Variants in NXPH1 observed in about 807,000 individuals in gnomAD.
The protein encoded by NXPH1 is neurexophilin-1.
A neutral mutation model predicts 23.7 loss-of-function variants in NXPH1; 5 were observed. The observed-to-expected ratio is 0.21, with a 90% CI of 0.11 to 0.44. The LOEUF (loss-of-function observed/expected upper bound fraction) is 0.44, where lower values mean the gene tolerates loss of function less well. NXPH1 is among the 20% of genes least tolerant of loss of function. NXPH1 has a pLI of 0.99. For synonymous variants in NXPH1, 144 were observed against 122.2 expected, an observed-to-expected ratio of 1.18 and a Z score of -1.18; for missense variants, 324 against 321.6, an observed-to-expected ratio of 1.01 and a Z score of -0.06.
At position 8,752,212 on chromosome 7, in the gene NXPH1, AT is replaced by A; in HGVS notation, c.*444del. 1.2e-5 allele frequency: 2 copies of A among 163,506 alleles called. No homozygotes were observed. The highest frequency in any genetic ancestry group is 1.4e-5 in the Non-Finnish European group (1 of 73,598). 10.1% of individuals were successfully genotyped at this position (163,506 alleles called of 1,614,324 possible). A position where few individuals can be genotyped will look rare whatever the true frequency, so the allele number is the denominator to read the frequency against. ...TAAAGTCTTGAGTACATGCTAATCA[AT>A]AATCTCCACTCATGCATTCCTACTG... On this transcript the variant is annotated 3_prime_UTR_variant, in exon 3 of 3. Coordinates refer to ENST00000405863, the MANE Select transcript of NXPH1 (RefSeq NM_152745.3).
At chr7:8,482,876 G>A (rs775932416) in intron 2 of NXPH1, among the ~76,000 whole-genome samples, 8 of 152,146 alleles carry the variant, frequency 5.3e-5, no homozygotes, top group Non-Finnish European at 8.8e-5. Flanking sequence ...TGTCACTCTA[G>A]CTCTATCACT....
At chr7:8,566,559 C>G (rs1382090023) in intron 2 of NXPH1, among the ~76,000 whole-genome samples, 1 of 151,706 alleles carries the variant, frequency 6.6e-6, no homozygotes, top group Non-Finnish European at 1.5e-5. Context: ...GCAAATTGGT[C>G]TCTGTCTCTC....
chr7:8,739,540 C>T (rs1446559234), intron 2 of NXPH1, among the ~76,000 whole-genome samples: 5 of 152,090 alleles, frequency 3.3e-5, no homozygotes, highest in South Asian at 2.1e-4. Context: ...AGAAGTCACC[C>T]GCCTTTTGCA....
intron 2 of NXPH1, among the ~76,000 whole-genome samples, chr7:8,681,931 A>C (rs1455823884): frequency 6.6e-6 from 1 of 152,188 alleles, no homozygotes; most frequent in African/African-American, 2.4e-5. Context: ...CCTTTTCTAG[A>C]AATCTGAAAG....
At chr7:8,491,324 T>C (rs1482526910) in intron 2 of NXPH1, among the ~76,000 whole-genome samples, 1 of 152,034 alleles carries the variant, frequency 6.6e-6, no homozygotes, top group Non-Finnish European at 1.5e-5. Context: ...TTTCCAATCA[T>C]TTTGCCCATA....
intron 2 of NXPH1, among the ~76,000 whole-genome samples, chr7:8,688,959 C>G (rs960942519): frequency 6.8e-6 from 1 of 147,446 alleles, no homozygotes; most frequent in Non-Finnish European, 1.5e-5. Flanking sequence ...CCTTCGTTTT[C>G]CATGGTCTTT....
At chr7:8,743,536 A>G (rs1329903062) in intron 2 of NXPH1, among the ~76,000 whole-genome samples, 1 of 152,226 alleles carries the variant, frequency 6.6e-6, no homozygotes, top group East Asian at 1.9e-4. Context: ...GGTGTCTTTC[A>G]ACAATATTTT....
intron 2 of NXPH1, among the ~76,000 whole-genome samples, chr7:8,550,226 G>A (rs939743206): frequency 3.3e-5 from 5 of 151,702 alleles, no homozygotes; most frequent in East Asian, 3.9e-4. Flanking sequence ...AGTGGCTGTA[G>A]GGGATAGAGA....
chr7:8,747,976 A>T (rs1780499647), intron 2 of NXPH1, among the ~76,000 whole-genome samples: 1 of 152,204 alleles, frequency 6.6e-6, no homozygotes, highest in Non-Finnish European at 1.5e-5. Context: ...TGGAGCTGCT[A>T]AGGATAATCC....
At position 8,636,296 on chromosome 7, in the gene NXPH1, C is replaced by G. The variant is rs144788108; in HGVS notation, c.55-114712C>G. On this transcript the variant is annotated intron_variant, in intron 2 of 2. Coordinates refer to ENST00000405863, the MANE Select transcript of NXPH1 (RefSeq NM_152745.3). ...TAAACAAAAGTTTAACTCAGGGCACCGTGGGCATATTTAAAGAAATTTATC... is the reference window on the plus strand; with the variant it reads ...TAAACAAAAGTTTAACTCAGGGCACGGTGGGCATATTTAAAGAAATTTATC... 6.7e-3 allele frequency among the ~76,000 whole-genome samples: 1,012 copies of G among 152,148 alleles called. 18 individuals are homozygous for G. The highest frequency in any genetic ancestry group is 0.023 in the African/African-American group (949 of 41,508).
At chr7:8,507,806 C>A (rs1817554618) in intron 2 of NXPH1, among the ~76,000 whole-genome samples, 1 of 152,136 alleles carries the variant, frequency 6.6e-6, no homozygotes, top group Non-Finnish European at 1.5e-5. Context: ...TCAGCACCTC[C>A]TGCCTCATGA....
At chr7:8,636,567 C>A (rs1427436057) in intron 2 of NXPH1, among the ~76,000 whole-genome samples, 2 of 152,164 alleles carry the variant, frequency 1.3e-5, no homozygotes, top group Non-Finnish European at 2.9e-5. Context: ...TGATTCAATT[C>A]CAGTGGAATG....
At chr7:8,502,516 C>G (rs1817453219) in intron 2 of NXPH1, among the ~76,000 whole-genome samples, 1 of 151,600 alleles carries the variant, frequency 6.6e-6, no homozygotes, top group Non-Finnish European at 1.5e-5. Context: ...AGACAGAAAC[C>G]ACACAGTAAT....
chr7:8,687,788 T>C (rs1176695321), intron 2 of NXPH1, among the ~76,000 whole-genome samples: 2 of 152,196 alleles, frequency 1.3e-5, no homozygotes, highest in East Asian at 3.9e-4. Context: ...AGTATCATTG[T>C]CATTGATACT....
At chr7:8,526,427 A>C (rs751065370) in intron 2 of NXPH1, among the ~76,000 whole-genome samples, 7 of 152,122 alleles carry the variant, frequency 4.6e-5, no homozygotes, top group Non-Finnish European at 7.4e-5. Flanking sequence ...TGCTGAGATG[A>C]GTTAAGACTT....
intron 2 of NXPH1, among the ~76,000 whole-genome samples, chr7:8,637,144 C>CT (rs1293179061): frequency 6.6e-6 from 1 of 152,002 alleles, no homozygotes; most frequent in Non-Finnish European, 1.5e-5. Flanking sequence ...ATGGCAGGAC[C>CT]TTTGTCTTTT....
chr7:8,536,898 A>C (rs567727310), intron 2 of NXPH1, among the ~76,000 whole-genome samples: 1 of 152,058 alleles, frequency 6.6e-6, no homozygotes, highest in Admixed American at 6.6e-5. Context: ...ATCCAGATAA[A>C]TGGTGGTGCC....
chr7:8,592,793 A>G (rs1819127068), intron 2 of NXPH1, among the ~76,000 whole-genome samples: 1 of 151,208 alleles, frequency 6.6e-6, no homozygotes, highest in Non-Finnish European at 1.5e-5. Context: ...TGAAGTTTGA[A>G]TCTTATATAA....
chr7:8,470,433 G>T (rs973310154), intron 2 of NXPH1, among the ~76,000 whole-genome samples: 3 of 152,114 alleles, frequency 2.0e-5, no homozygotes, highest in Non-Finnish European at 4.4e-5. Context: ...ATTTTGCTTT[G>T]TTCAAGTTGT....
Sources: gnomAD v4.1 joint callset for allele counts (sites outside exome capture counted in the v4.1 genomes callset) on GRCh38, gnomAD v4.1.1 for gene constraint, MANE v1.5 for transcripts, NCBI Gene and HGNC (gene_info 2026-07-23, HGNC 2026-07-21) for gene names.